SEC24B: variants seen among roughly 807,000 people sequenced by gnomAD.
SEC24B encodes SEC24 homolog B, COPII component, also known as protein transport protein Sec24B.
Under a neutral mutation model 142.8 loss-of-function variants are expected in SEC24B, and 45 were observed. That is an observed-to-expected ratio of 0.32 (90% confidence interval 0.25 to 0.40). The LOEUF (loss-of-function observed/expected upper bound fraction) is 0.40. SEC24B is among the 10% of genes least tolerant of loss of function. The pLI is 1.00. For synonymous variants in SEC24B, 574 were observed against 568.2 expected (o/e 1.01, Z -0.15); for missense variants, 1,409 against 1,526.8 (o/e 0.92, Z 1.29).
chr4:109,447,185 T>C (rs1338573982), intron 1 of SEC24B, among the ~76,000 whole-genome samples: 1 of 152,100 alleles, frequency 6.6e-6, no homozygotes, highest in Non-Finnish European at 1.5e-5. Context: ...TATCTGAAGA[T>C]TGAGAGGTGA....
chr4:109,506,789 A>G (rs181886040), intron 7 of SEC24B, among the ~76,000 whole-genome samples: 5 of 152,178 alleles, frequency 3.3e-5, no homozygotes, highest in Admixed American at 6.5e-5. Context: ...TATATTTTTT[A>G]TTTCTTAAAT....
chr4:109,515,507 A>T (rs558666846), intron 10 of SEC24B, among the ~76,000 whole-genome samples: 43 of 152,058 alleles, frequency 2.8e-4, no homozygotes, highest in Non-Finnish European at 5.0e-4. Flanking sequence ...CTGTCACCCA[A>T]GCTAGAGACA....
chr4:109,434,954 C>A (rs897517378), intron 1 of SEC24B, among the ~76,000 whole-genome samples: 1 of 152,180 alleles, frequency 6.6e-6, no homozygotes. Flanking sequence ...TGGAGGAATT[C>A]TCCTTACAGA....
Position 109,521,376 on chromosome 4 carries a change from CT to C in SEC24B, c.2302-41del, listed in dbSNP as rs535559013. On this transcript the variant is annotated intron_variant, in intron 13 of 23. Transcript: ENST00000265175. Reference sequence around the variant, plus strand: ...GGAATGTTTTAAAATAAGATTATTCCTTTGCCTTCTCAGTAATTCAATTTTT... The same window carrying C: ...GGAATGTTTTAAAATAAGATTATTCCTTGCCTTCTCAGTAATTCAATTTTT... The C allele has an allele frequency of 8.0e-6, 12 of 1,491,214 alleles. No individual in the cohort carries two copies. The East Asian group carries it at 2.0e-4, about 25-fold the overall frequency. 92.4% of individuals were successfully genotyped at this position (1,491,214 alleles called of 1,614,324 possible). A position where few individuals can be genotyped will look rare whatever the true frequency, so the allele number is the denominator to read the frequency against.
chr4:109,480,481 CCTTTTCTTTTT>C (rs2125981486), intron 3 of SEC24B, among the ~76,000 whole-genome samples: 1 of 150,776 alleles, frequency 6.6e-6, no homozygotes, highest in Admixed American at 6.6e-5. Flanking sequence ...TTTCTTTTTT[CCTTTTCTTTTT>C]CTTTTTCTGA....
rs1219956773 is a variant in SEC24B, at chr4:109,539,659, A to G, written c.3791A>G (p.Gln1264Arg). The G allele has an allele frequency of 6.2e-7, 1 of 1,607,536 alleles. No individual in the cohort carries two copies. The highest frequency in any genetic ancestry group is 1.3e-5 in the African/African-American group (1 of 74,908). Reference sequence around the variant, plus strand: ...TATGAATTTTTGCTTCATGTTCAGCAGCAGATTTGTAAGTGAAGTAGAATA... The same window carrying G: ...TATGAATTTTTGCTTCATGTTCAGCGGCAGATTTGTAAGTGAAGTAGAATA... ...SYYEFLLHVQ[Q>R]QICK Residue 1264 changes from glutamine (Q) to arginine (R), a missense_variant, in exon 24 of 24, where the codon CAG becomes CGG. This residue lies in a region of SEC24B where 700 missense variants were observed against 853.3 expected (regional missense o/e 0.82). Transcript: ENST00000265175.
chr4:109,513,716 C>A, intron 9 of SEC24B, 31 bp from the exon 10 acceptor site: 2 of 1,231,562 alleles, frequency 1.6e-6, no homozygotes, highest in Non-Finnish European at 2.4e-6. Context: ...CAAATTGTGT[C>A]TCTAAATTTG....
intron 4 of SEC24B, 92 bp downstream of exon 4, chr4:109,481,873 C>A: frequency 2.3e-6 from 2 of 864,322 alleles, no homozygotes; most frequent in South Asian, 1.9e-5. Context: ...AAAAAAGAGT[C>A]TTTGAAGATT....
chr4:109,521,361 A>C (rs971113289), intron 13 of SEC24B, 59 bp from the exon 14 acceptor site: 144 of 1,435,498 alleles, frequency 1.0e-4, no homozygotes, highest in Non-Finnish European at 5.8e-5. Context: ...GGAATGTTTT[A>C]AAATAAGATT....
At chr4:109,523,824 T>A (rs1378803690) in intron 14 of SEC24B, among the ~76,000 whole-genome samples, 10 of 152,206 alleles carry the variant, frequency 6.6e-5, no homozygotes, top group Non-Finnish European at 1.5e-4. Flanking sequence ...TTGGGTTTTT[T>A]AATCAACTTC....
At chr4:109,522,023 G>A (rs1332208590) in intron 14 of SEC24B, among the ~76,000 whole-genome samples, 1 of 149,954 alleles carries the variant, frequency 6.7e-6, no homozygotes, top group Non-Finnish European at 1.5e-5. Flanking sequence ...GAGCTACTGC[G>A]CCCGGCTGCC....
In SEC24B at chr4:109,515,346, C is replaced by T. The variant is rs148479189; in HGVS notation, c.2014-1182C>T. On this transcript the variant is annotated intron_variant, in intron 10 of 23. Transcript: ENST00000265175. ...TTGATCTCCTGACCTCGTAATCCAC[C>T]GGCCTCAGCCTCCCAAAGTGCTGAG... is the stretch of plus-strand genomic sequence containing the variant. Among the ~76,000 whole-genome samples the T allele has an allele frequency of 5.3e-3, 807 of 152,286 alleles. 35 individuals are homozygous for T. The South Asian group carries it at 0.079, about 15-fold the overall frequency.
Position 109,513,836 on chromosome 4 carries a change from A to G in SEC24B, c.1993A>G (p.Ile665Val). The G allele has an allele frequency of 6.2e-7, 1 of 1,606,258 alleles. No individual in the cohort carries two copies. Among genetic ancestry groups the G allele is most frequent in the Non-Finnish European group, 8.5e-7 (1 of 1,173,028 alleles). Residue 665 changes from isoleucine (I) to valine (V), a missense_variant, in exon 10 of 24, where the codon ATT (isoleucine) becomes GTT (valine). Coordinates refer to ENST00000265175, the MANE Select transcript of SEC24B (RefSeq NM_006323.5). ...PEVQNSTVEF[I>V]ASSDYMLRPP... The stretch of plus-strand genomic sequence containing the variant: ...AGTTCAGAATTCAACTGTGGAGTTC[A>G]TTGCTTCTTCAGATTACATGGTAAC...
In SEC24B at chr4:109,473,019, C is replaced by A; in HGVS notation, c.893C>A (p.Ser298Tyr). Residue 298 changes from serine (S) to tyrosine (Y), a missense_variant, in exon 3 of 24, where the codon TCC becomes TAC. Ser to Tyr is a moderately radical substitution (Grantham distance 144). Coordinates refer to ENST00000265175, the MANE Select transcript of SEC24B (RefSeq NM_006323.5). ...NPTITVADSL[S>Y]CPVMQNVQPP... The stretch of plus-strand genomic sequence containing the variant: ...TTCTCTTCAGTTGCAGATTCTTTAT[C>A]CTGTCCTGTTATGCAAAATGTTCAG... The A allele has an allele frequency of 6.4e-7, 1 of 1,556,944 alleles. No homozygotes were observed. Among genetic ancestry groups the A allele is most frequent in the Admixed American group, 2.0e-5 (1 of 50,630 alleles).
intron 22 of SEC24B, among the ~76,000 whole-genome samples, chr4:109,535,800 C>T (rs564505556): frequency 1.3e-5 from 2 of 152,054 alleles, no homozygotes; most frequent in South Asian, 2.1e-4. Flanking sequence ...TGCAGTGAGC[C>T]GAGATCACGC....
intron 1 of SEC24B, among the ~76,000 whole-genome samples, chr4:109,453,624 C>T (rs1223164383): frequency 2.0e-5 from 3 of 152,060 alleles, no homozygotes; most frequent in Non-Finnish European, 4.4e-5. Context: ...TTATCCTGTT[C>T]TTAAGGTGCC....
chr4:109,472,286 G>A (rs1732602660), intron 2 of SEC24B, among the ~76,000 whole-genome samples: 2 of 152,226 alleles, frequency 1.3e-5, no homozygotes, highest in Middle Eastern at 3.4e-3. Flanking sequence ...TTATCTCTTG[G>A]TTGGATAATC....
At chr4:109,488,106 T>C (rs377499918) in intron 4 of SEC24B, among the ~76,000 whole-genome samples, 7 of 152,308 alleles carry the variant, frequency 4.6e-5, no homozygotes, top group Admixed American at 1.3e-4. Context: ...AATAGCAGTT[T>C]TGAGAAATAA....
At chr4:109,507,117 G>A (rs573750557) in intron 7 of SEC24B, among the ~76,000 whole-genome samples, 37 of 152,142 alleles carry the variant, frequency 2.4e-4, no homozygotes, top group African/African-American at 8.7e-4. Flanking sequence ...TCACTTCACA[G>A]TGCCTCATGT....
Sources: gnomAD v4.1 joint callset for allele counts (sites outside exome capture counted in the v4.1 genomes callset) on GRCh38, gnomAD v4.1.1 for gene constraint, gnomAD v4.1.1 regional missense constraint, MANE v1.5 for transcripts, NCBI Gene and HGNC (gene_info 2026-07-23, HGNC 2026-07-21) for gene names.